Variants in CRB1 observed in about 807,000 individuals in gnomAD.
The protein encoded by CRB1 is protein crumbs homolog 1.
Under a neutral mutation model 120.0 loss-of-function variants are expected in CRB1, and 83 were observed. The ratio of observed to expected loss-of-function variants is 0.69; its 90% confidence interval spans 0.58 to 0.83. The LOEUF (loss-of-function observed/expected upper bound fraction) is 0.83. Among genes scored for constraint, CRB1 ranks in the 40% least tolerant of loss-of-function variants. The probability of loss-of-function intolerance (pLI) is 0.00; values close to 1 mark genes in which losing one functional copy is unlikely to be tolerated. For synonymous variants in CRB1, 625 were observed against 612.5 expected (o/e 1.02, Z -0.30); for missense variants, 1,699 against 1,687.6 (o/e 1.01, Z -0.12).
intron 1 of CRB1, among the ~76,000 whole-genome samples, chr1:197,271,818 C>G (rs1654925283): frequency 6.6e-6 from 1 of 152,034 alleles, no homozygotes; most frequent in Non-Finnish European, 1.5e-5. Flanking sequence ...TCTCTCTAGT[C>G]CTTTATAAAT....
intron 11 of CRB1, among the ~76,000 whole-genome samples, chr1:197,466,442 C>T (rs1481521846): frequency 2.0e-5 from 3 of 152,014 alleles, no homozygotes; most frequent in Admixed American, 2.0e-4. Flanking sequence ...GAGACTTATT[C>T]GAATGTAGGC....
chr1:197,442,042 G>T (rs1027295186), intron 10 of CRB1, 124 bp from the exon 11 acceptor site: 2 of 1,066,592 alleles, frequency 1.9e-6, no homozygotes, highest in Admixed American at 1.7e-5. Context: ...TATGTATAAA[G>T]TATGTGTGGA....
chr1:197,356,618 A>C (rs1301550357), intron 4 of CRB1, among the ~76,000 whole-genome samples: 1 of 152,150 alleles, frequency 6.6e-6, no homozygotes, highest in African/African-American at 2.4e-5. Context: ...TTTCTTTAAA[A>C]TTTTTTGGTC....
upstream of CRB1, among the ~76,000 whole-genome samples, chr1:197,267,715 A>G (rs1654686328): frequency 6.6e-6 from 1 of 152,256 alleles, no homozygotes. Context: ...ACATGTTTAC[A>G]TTCATCAATT....
At chr1:197,243,986 G>C in the CRB1 span, among the ~76,000 whole-genome samples, 2 of 152,054 alleles carry the variant, frequency 1.3e-5, no homozygotes, top group Admixed American at 6.6e-5. Context: ...CAGAGACTAG[G>C]ATTGCAGCCC....
chr1:197,223,772 C>T, the CRB1 span, among the ~76,000 whole-genome samples: 1 of 152,102 alleles, frequency 6.6e-6, no homozygotes, highest in African/African-American at 2.4e-5. Context: ...TATACAGTCA[C>T]TTAGTTTTGG....
At chr1:197,210,365 G>T in the CRB1 span, among the ~76,000 whole-genome samples, 2 of 152,132 alleles carry the variant, frequency 1.3e-5, no homozygotes, top group Non-Finnish European at 2.9e-5. Flanking sequence ...CATTCAATCA[G>T]TTGAAGGCCT....
At chr1:197,452,240 G>C (rs1335777342) in intron 11 of CRB1, among the ~76,000 whole-genome samples, 3 of 152,168 alleles carry the variant, frequency 2.0e-5, no homozygotes, top group Admixed American at 2.0e-4. Context: ...CCATTTGCCA[G>C]AGAGATTGTG....
At chr1:197,251,866 T>G in the CRB1 span, among the ~76,000 whole-genome samples, 1 of 152,072 alleles carries the variant, frequency 6.6e-6, no homozygotes, top group South Asian at 2.1e-4. Flanking sequence ...GATTATCTGC[T>G]TATTGTCAGT....
At chr1:197,340,393 C>G (rs1659380964) in intron 2 of CRB1, among the ~76,000 whole-genome samples, 1 of 152,156 alleles carries the variant, frequency 6.6e-6, no homozygotes, top group Admixed American at 6.5e-5. Context: ...TACTGCATTA[C>G]AAGGCAATTA....
At chr1:197,394,796 G>A (rs998117137) in intron 5 of CRB1, among the ~76,000 whole-genome samples, 1 of 152,048 alleles carries the variant, frequency 6.6e-6, no homozygotes, top group African/African-American at 2.4e-5. Context: ...TTCTCCAGAT[G>A]TGGAGATAAC....
chr1:197,469,085 T>G (rs1003261114), intron 11 of CRB1, among the ~76,000 whole-genome samples: 9 of 151,948 alleles, frequency 5.9e-5, no homozygotes, highest in African/African-American at 2.2e-4. Context: ...TTGGGTGGAG[T>G]GGCGCACGCC....
At chr1:197,422,380 A>G (rs187098965) in intron 6 of CRB1, among the ~76,000 whole-genome samples, 3 of 152,282 alleles carry the variant, frequency 2.0e-5, no homozygotes, top group Admixed American at 1.3e-4. Flanking sequence ...TGTGCATAGT[A>G]AATTCTCGGT....
chr1:197,214,141 G>A, the CRB1 span, among the ~76,000 whole-genome samples: 1 of 152,022 alleles, frequency 6.6e-6, no homozygotes, highest in South Asian at 2.1e-4. Flanking sequence ...AAAAAAAGCT[G>A]GCAAACCTTT....
the CRB1 span, chr1:197,222,420 C>T: frequency 5.9e-5 from 45 of 768,232 alleles, no homozygotes; most frequent in Non-Finnish European, 9.7e-5. Flanking sequence ...CCTATTTCAT[C>T]GTCCTCGGGC....
At chr1:197,420,566 C>CT (rs1286997019) in intron 5 of CRB1, among the ~76,000 whole-genome samples, 1 of 152,172 alleles carries the variant, frequency 6.6e-6, no homozygotes, top group African/African-American at 2.4e-5. Context: ...GGCAAAATCA[C>CT]TGTTTCCAAG....
chr1:197,253,555 C>A, the CRB1 span, among the ~76,000 whole-genome samples: 1 of 151,988 alleles, frequency 6.6e-6, no homozygotes, highest in Non-Finnish European at 1.5e-5. Context: ...TTGTGCTTCA[C>A]AAATGATTTT....
Position 197,268,500 on chromosome 1 carries a change from T to G in CRB1, c.70+18T>G. 6.3e-7 allele frequency: 1 copy of G among 1,576,664 alleles called. No homozygotes were observed. The highest frequency in any genetic ancestry group is 8.7e-7 in the Non-Finnish European group (1 of 1,145,928). On this transcript the variant is annotated intron_variant, in intron 1 of 11. Transcript: ENST00000367400. Reference sequence around the variant, plus strand: ...CATAAAAAGTAAGCCTTTCCCACTTTGGGCATTTTTCCTGGTTTATTTCTG... The same window carrying G: ...CATAAAAAGTAAGCCTTTCCCACTTGGGGCATTTTTCCTGGTTTATTTCTG...
At chr1:197,213,552 A>C in the CRB1 span, among the ~76,000 whole-genome samples, 1 of 152,328 alleles carries the variant, frequency 6.6e-6, no homozygotes, top group East Asian at 1.9e-4. Context: ...CCTTGAGTAA[A>C]AGTATACCAG....
Sources: gnomAD v4.1 joint callset for allele counts (sites outside exome capture counted in the v4.1 genomes callset) on GRCh38, gnomAD v4.1.1 for gene constraint, MANE v1.5 for transcripts, NCBI Gene and HGNC (gene_info 2026-07-23, HGNC 2026-07-21) for gene names.